Variants in PLXDC2 observed in about 807,000 individuals in gnomAD.
PLXDC2 encodes plexin domain containing 2, also known as plexin domain-containing protein 2.
Under a neutral mutation model 68.9 loss-of-function variants are expected in PLXDC2, and 40 were observed. That is an observed-to-expected ratio of 0.58 (90% CI 0.45 to 0.76). The LOEUF is 0.76. Among genes scored for constraint, PLXDC2 ranks in the 30% least tolerant of loss-of-function variants. PLXDC2 has a pLI of 0.00. For synonymous variants in PLXDC2, 243 were observed against 234.2 expected, an observed-to-expected ratio of 1.04 and a Z score of -0.34; for missense variants, 644 against 661.9, an observed-to-expected ratio of 0.97 and a Z score of 0.30.
chr10:20,047,435 G>A (rs948686452), intron 3 of PLXDC2, among the ~76,000 whole-genome samples: 9 of 152,168 alleles, frequency 5.9e-5, no homozygotes, highest in Admixed American at 3.9e-4. Flanking sequence ...AGATTTAACC[G>A]AAGTCATTTA....
At chr10:20,024,542 A>G (rs904129849) in intron 2 of PLXDC2, among the ~76,000 whole-genome samples, 1 of 152,172 alleles carries the variant, frequency 6.6e-6, no homozygotes, top group Non-Finnish European at 1.5e-5. Context: ...TTTTTTCCAG[A>G]GGAAAATCCA....
At chr10:20,082,253 A>G (rs906956100) in intron 4 of PLXDC2, among the ~76,000 whole-genome samples, 10 of 151,752 alleles carry the variant, frequency 6.6e-5, no homozygotes, top group Non-Finnish European at 1.3e-4. Flanking sequence ...TTCAATATCA[A>G]TAATTCAGCT....
intron 6 of PLXDC2, among the ~76,000 whole-genome samples, chr10:20,153,144 A>G (rs1433629882): frequency 6.6e-6 from 1 of 152,186 alleles, no homozygotes; most frequent in African/African-American, 2.4e-5. Context: ...GGAAAGGCAA[A>G]TCATTCTTAC....
At chr10:20,020,595 A>C (rs544592131) in intron 2 of PLXDC2, among the ~76,000 whole-genome samples, 1 of 152,186 alleles carries the variant, frequency 6.6e-6, no homozygotes, top group East Asian at 1.9e-4. Context: ...ATATATATAT[A>C]TGTGTATCTC....
chr10:20,022,835 T>C (rs534873082), intron 2 of PLXDC2, among the ~76,000 whole-genome samples: 1 of 152,198 alleles, frequency 6.6e-6, no homozygotes, highest in Middle Eastern at 3.4e-3. Flanking sequence ...GTGAAAATCT[T>C]GCAACTTTCC....
chr10:20,216,001 G>A (rs560266089), intron 10 of PLXDC2, among the ~76,000 whole-genome samples: 1 of 152,042 alleles, frequency 6.6e-6, no homozygotes, highest in Non-Finnish European at 1.5e-5. Flanking sequence ...GATGTTTGTG[G>A]AGCCCCCATG....
intron 9 of PLXDC2, among the ~76,000 whole-genome samples, chr10:20,198,888 C>G (rs994225495): frequency 6.6e-6 from 1 of 152,060 alleles, no homozygotes; most frequent in African/African-American, 2.4e-5. Context: ...CTTCTTCATA[C>G]TGATAAAGTA....
Position 20,068,238 on chromosome 10 carries a change from G to T in PLXDC2, c.540G>T (p.Gly180=), listed in dbSNP as rs147312801. The T allele has an allele frequency of 2.6e-3, 4,173 of 1,610,566 alleles. 12 individuals are homozygous for T. Among genetic ancestry groups the T allele is most frequent in the Middle Eastern group, 0.012 (74 of 6,056 alleles). ...TACGTGAAATCACTGTGGCAACCGG[G>T]GGTAAGTGGTTTTCTACCCATTCAC... The part of the protein sequence containing the change: ...HFLREITVAT[G]GFIYTGEVVH... Residue 180 remains glycine (G), a splice_region_variant and synonymous_variant, in exon 4 of 14, where the codon GGG becomes GGT. Coordinates refer to ENST00000377252, the MANE Select transcript of PLXDC2 (RefSeq NM_032812.9).
At chr10:19,930,807 AC>A (rs1833614982) in intron 1 of PLXDC2, among the ~76,000 whole-genome samples, 1 of 152,070 alleles carries the variant, frequency 6.6e-6, no homozygotes, top group South Asian at 2.1e-4. Flanking sequence ...TACTAAAACT[AC>A]AAAAATTAGC....
At chr10:19,937,692 A>T (rs957838991) in intron 1 of PLXDC2, among the ~76,000 whole-genome samples, 1 of 151,804 alleles carries the variant, frequency 6.6e-6, no homozygotes, top group African/African-American at 2.4e-5. Flanking sequence ...AAAAACAAGG[A>T]AACACAAGGA....
At chr10:19,872,934 C>G (rs954334126) in intron 1 of PLXDC2, among the ~76,000 whole-genome samples, 1 of 152,052 alleles carries the variant, frequency 6.6e-6, no homozygotes, top group Non-Finnish European at 1.5e-5. Flanking sequence ...TTGGTTCACT[C>G]CCGTTTTCCA....
intron 2 of PLXDC2, among the ~76,000 whole-genome samples, chr10:20,035,897 G>A (rs1311273905): frequency 2.0e-5 from 3 of 152,060 alleles, no homozygotes; most frequent in African/African-American, 7.2e-5. Context: ...TTGATTCTGA[G>A]TAAATTTTTG....
chr10:19,910,746 C>T (rs1833255182), intron 1 of PLXDC2, among the ~76,000 whole-genome samples: 1 of 152,036 alleles, frequency 6.6e-6, no homozygotes, highest in Non-Finnish European at 1.5e-5. Context: ...TGCAGTGGCT[C>T]ACACCTGTAA....
chr10:20,142,488 T>G (rs967582429), intron 4 of PLXDC2, among the ~76,000 whole-genome samples: 1 of 152,120 alleles, frequency 6.6e-6, no homozygotes, highest in African/African-American at 2.4e-5. Flanking sequence ...TTGTCATGGA[T>G]AATCCACAAA....
intron 1 of PLXDC2, among the ~76,000 whole-genome samples, chr10:19,925,950 G>A (rs1287491379): frequency 2.0e-5 from 3 of 152,258 alleles, no homozygotes; most frequent in African/African-American, 7.2e-5. Context: ...ATATTGATCC[G>A]CTGGCATTAG....
chr10:19,933,671 AACACACACGCGTGC>A (rs1833677312), intron 1 of PLXDC2, among the ~76,000 whole-genome samples: 2 of 149,276 alleles, frequency 1.3e-5, no homozygotes, highest in East Asian at 3.9e-4. Context: ...AACACACACA[AACACACACGCGTGC>A]ACACACACAC....
chr10:19,826,545 G>A (rs1407122899), intron 1 of PLXDC2, among the ~76,000 whole-genome samples: 1 of 152,122 alleles, frequency 6.6e-6, no homozygotes, highest in Non-Finnish European at 1.5e-5. Flanking sequence ...AAGTTGACTT[G>A]TGAGGTTAAA....
chr10:19,888,711 T>C (rs1000894361), intron 1 of PLXDC2, among the ~76,000 whole-genome samples: 4 of 151,964 alleles, frequency 2.6e-5, no homozygotes, highest in African/African-American at 9.7e-5. Context: ...TCCGAGAAGT[T>C]TGTCAAATGA....
At chr10:20,020,078 C>G (rs955079821) in intron 2 of PLXDC2, among the ~76,000 whole-genome samples, 3 of 150,336 alleles carry the variant, frequency 2.0e-5, no homozygotes, top group Admixed American at 2.0e-4. Context: ...TCAGTACAGT[C>G]AGAGCTCACT....
Sources: allele counts gnomAD v4.1 joint callset (sites outside exome capture counted in the v4.1 genomes callset), GRCh38; gene constraint gnomAD v4.1.1; transcripts MANE v1.5; gene names NCBI Gene and HGNC (gene_info 2026-07-23, HGNC 2026-07-21).